Variants in FYN observed in about 807,000 individuals in gnomAD.
The protein encoded by FYN is tyrosine-protein kinase Fyn.
FYN carries 10 observed loss-of-function variants against 70.2 expected under a neutral mutation model. That is an observed-to-expected ratio of 0.14 (90% CI 0.09 to 0.24). FYN has a LOEUF of 0.24. FYN is among the 10% of genes least tolerant of loss of function. The pLI is 1.00. For synonymous variants in FYN, 236 were observed against 248.6 expected, an observed-to-expected ratio of 0.95 and a Z score of 0.48; for missense variants, 319 against 673.1, an observed-to-expected ratio of 0.47 and a Z score of 5.82.
intron 3 of FYN, among the ~76,000 whole-genome samples, chr6:111,751,245 T>C (rs1251410064): frequency 1.3e-5 from 2 of 152,174 alleles, no homozygotes; most frequent in African/African-American, 2.4e-5. Flanking sequence ...CATCTTTGTG[T>C]AGCAACAGGA....
intron 1 of FYN, among the ~76,000 whole-genome samples, chr6:111,864,562 G>A (rs1345901494): frequency 2.7e-5 from 2 of 74,050 alleles, no homozygotes; most frequent in Non-Finnish European, 4.4e-5. Context: ...CTATGATGAG[G>A]ATGATGATGA....
chr6:111,678,106 ATATG>A (rs1554272926), intron 12 of FYN, among the ~76,000 whole-genome samples: 10,563 of 118,478 alleles, frequency 0.089, 371 homozygotes, highest in Middle Eastern at 0.15. Context: ...GAAGGCCATA[ATATG>A]TGTGTGTGTG....
chr6:111,862,691 G>A (rs915817566), intron 1 of FYN, among the ~76,000 whole-genome samples: 19 of 152,142 alleles, frequency 1.2e-4, no homozygotes, highest in African/African-American at 4.6e-4. Flanking sequence ...GTACCAACTT[G>A]GGCAAGTTGT....
chr6:111,763,028 C>T (rs902360364), intron 3 of FYN, among the ~76,000 whole-genome samples: 1 of 152,218 alleles, frequency 6.6e-6, no homozygotes, highest in African/African-American at 2.4e-5. Context: ...TTCAGGCCCC[C>T]TGACCCCACT....
Position 111,694,369 on chromosome 6 carries a change from G to C in FYN, c.1273+6C>G. 1 of 1,614,000 alleles carries C rather than the reference G, an allele frequency of 6.2e-7. No individual in the cohort carries two copies. Among genetic ancestry groups the C allele is most frequent in the East Asian group, 2.2e-5 (1 of 44,884 alleles). On this transcript the variant is annotated splice_donor_region_variant and intron_variant, in intron 12 of 13. Transcript: ENST00000354650. The surrounding 1 kb of genome is among the most constrained non-coding windows in gnomAD (Gnocchi z 5.0). ...GATCACGAGCCATTGTCATTCAAGTGCCCACCTTGTCTTGCTGTGTACTCA... is the reference window on the plus strand; with the variant it reads ...GATCACGAGCCATTGTCATTCAAGTCCCCACCTTGTCTTGCTGTGTACTCA...
At chr6:111,870,951 T>C (rs765891362) in intron 1 of FYN, among the ~76,000 whole-genome samples, 23 of 152,220 alleles carry the variant, frequency 1.5e-4, no homozygotes, top group Non-Finnish European at 3.1e-4. Flanking sequence ...TTAACCCTAT[T>C]GCTTTTTTTA....
intron 3 of FYN, among the ~76,000 whole-genome samples, chr6:111,771,531 C>T (rs969224088): frequency 3.3e-5 from 5 of 152,124 alleles, no homozygotes; most frequent in African/African-American, 1.2e-4. Flanking sequence ...AAACATCCCC[C>T]AAATCAAAAC....
chr6:111,762,251 C>T (rs1803037662), intron 3 of FYN, among the ~76,000 whole-genome samples: 1 of 152,180 alleles, frequency 6.6e-6, no homozygotes, highest in African/African-American at 2.4e-5. Context: ...GCTTCTGCAT[C>T]TGGTTTTCTC....
At chr6:111,829,807 C>G (rs1360076649) in intron 2 of FYN, among the ~76,000 whole-genome samples, 2 of 152,184 alleles carry the variant, frequency 1.3e-5, no homozygotes, top group Non-Finnish European at 2.9e-5. Flanking sequence ...CGGATACATG[C>G]ATGATTCCTT....
chr6:111,846,386 G>A (rs1773528709), intron 2 of FYN, among the ~76,000 whole-genome samples: 1 of 152,200 alleles, frequency 6.6e-6, no homozygotes, highest in East Asian at 1.9e-4. Context: ...AGGGAAGGGA[G>A]AAAATAGTGG....
chr6:111,846,301 T>C (rs549619093), intron 2 of FYN, among the ~76,000 whole-genome samples: 1 of 152,306 alleles, frequency 6.6e-6, no homozygotes, highest in African/African-American at 2.4e-5. Context: ...TTCCATTCTA[T>C]TTCTGGGGTG....
chr6:111,699,987 A>C, intron 9 of FYN, 117 bp downstream of exon 9: 1 of 709,788 alleles, frequency 1.4e-6, no homozygotes, highest in Non-Finnish European at 2.2e-6. Context: ...ATTCCCCACT[A>C]TTAGTAATTC....
At chr6:111,842,559 C>T (rs1213832899) in intron 2 of FYN, among the ~76,000 whole-genome samples, 1 of 152,204 alleles carries the variant, frequency 6.6e-6, no homozygotes, top group Non-Finnish European at 1.5e-5. Flanking sequence ...CTCATGTCAC[C>T]CCAGCAACCA....
At chr6:111,830,251 G>C (rs930480969) in intron 2 of FYN, among the ~76,000 whole-genome samples, 1 of 152,204 alleles carries the variant, frequency 6.6e-6, no homozygotes, top group East Asian at 1.9e-4. Context: ...CAGGGGCAGA[G>C]TGTCAGCAGT....
chr6:111,820,552 T>C (rs1472279727), intron 2 of FYN, among the ~76,000 whole-genome samples: 2 of 152,192 alleles, frequency 1.3e-5, no homozygotes, highest in Non-Finnish European at 2.9e-5. Context: ...TTAGGATATT[T>C]ACGTTTGAAT....
chr6:111,846,326 T>G (rs1257048732), intron 2 of FYN, among the ~76,000 whole-genome samples: 4 of 152,194 alleles, frequency 2.6e-5, no homozygotes, highest in Admixed American at 2.6e-4. Context: ...CCATAACTTA[T>G]AGTCAAAACA....
chr6:111,698,979 A>G (rs907501784), intron 9 of FYN, among the ~76,000 whole-genome samples: 1 of 152,136 alleles, frequency 6.6e-6, no homozygotes, highest in African/African-American at 2.4e-5. Context: ...GCTACTCGGG[A>G]GGCTGAGGCA....
At chr6:111,800,407 G>C (rs764213329) in intron 2 of FYN, among the ~76,000 whole-genome samples, 1 of 152,134 alleles carries the variant, frequency 6.6e-6, no homozygotes, top group Non-Finnish European at 1.5e-5. Context: ...TCTGTGGGAC[G>C]AGTCCTCACA....
intron 9 of FYN, chr6:111,696,780 T>C (rs915974900): frequency 4.3e-5 from 8 of 185,264 alleles, no homozygotes; most frequent in African/African-American, 1.9e-4. Flanking sequence ...CACCATACAG[T>C]GATGAAAGTC....
Sources: gnomAD v4.1 joint callset for allele counts (sites outside exome capture counted in the v4.1 genomes callset) on GRCh38, gnomAD v4.1.1 for gene constraint, Gnocchi (gnomAD v3.1) non-coding constraint, MANE v1.5 for transcripts, NCBI Gene and HGNC (gene_info 2026-07-23, HGNC 2026-07-21) for gene names.